The following VPS41 variants were observed in gnomAD, a reference collection of about 807,000 sequenced individuals.
VPS41 encodes vacuolar protein sorting-associated protein 41 homolog.
Under a neutral mutation model 130.9 loss-of-function variants are expected in VPS41, and 85 were observed. That is an observed-to-expected ratio of 0.65 (90% CI 0.55 to 0.78). The LOEUF (loss-of-function observed/expected upper bound fraction) is 0.78. Ranked by LOEUF, VPS41 falls within the 30% of genes least tolerant of loss-of-function variation. The pLI, the probability that VPS41 is intolerant of heterozygous loss-of-function variation, is 0.00. For missense variants in VPS41, 874 were observed against 1,018.7 expected (o/e 0.86, Z 1.93); for synonymous variants, 335 against 332.9 (o/e 1.01, Z -0.07).
intron 7 of VPS41, among the ~76,000 whole-genome samples, chr7:38,814,221 T>A (rs1468958104): frequency 6.6e-6 from 1 of 152,218 alleles, no homozygotes; most frequent in Non-Finnish European, 1.5e-5. Flanking sequence ...GAAGAATATG[T>A]TACTGACAGT....
Position 38,756,933 on chromosome 7 carries a change from A to T in VPS41, c.1600T>A (p.Leu534Ile). 1.3e-6 allele frequency: 2 copies of T among 1,598,850 alleles called. No homozygotes were observed. The highest frequency in any genetic ancestry group is 1.7e-6 in the Non-Finnish European group (2 of 1,166,994). The change falls in exon 19 of 29, where the codon TTA (leucine) becomes ATA (isoleucine). Residue 534 changes from leucine to isoleucine, a missense_variant. Coordinates refer to ENST00000310301, the MANE Select transcript of VPS41 (RefSeq NM_014396.4). The part of the protein sequence containing the change: ...YGNALEIYLT[L>I]RHKDVFQLIH... ...AACTGAAAAACGTCTTTATGTCTTA[A>T]TGTTAAGTATATTTCCAGAGCATTG... is the stretch of plus-strand genomic sequence containing the variant.
chr7:38,845,925 A>T (rs901420155), intron 4 of VPS41, among the ~76,000 whole-genome samples: 1 of 152,252 alleles, frequency 6.6e-6, no homozygotes, highest in African/African-American at 2.4e-5. Context: ...TAATGTGTGA[A>T]ATATGATTTA....
At chr7:38,823,434 C>T (rs1027762027) in intron 5 of VPS41, among the ~76,000 whole-genome samples, 1 of 152,148 alleles carries the variant, frequency 6.6e-6, no homozygotes, top group Non-Finnish European at 1.5e-5. Context: ...ATAAACTACC[C>T]AGTCTAAGGT....
chr7:38,871,624 A>G lies in VPS41; in HGVS notation c.61-2371T>C, dbSNP rs529951901. 2.0e-5 allele frequency among the ~76,000 whole-genome samples: 3 copies of G among 152,348 alleles called. No individual in the cohort carries two copies. The South Asian group carries it at 6.2e-4, about 32-fold the overall frequency. On this transcript the variant is annotated intron_variant, in intron 2 of 28. Transcript: ENST00000310301. ...GTTCAAATTCAGCTATGAGTGCTCT[A>G]AAGTCAATACCTTCTATAACACACT...
intron 27 of VPS41, among the ~76,000 whole-genome samples, chr7:38,727,511 G>GTCA (rs1424052601): frequency 1.3e-5 from 2 of 152,156 alleles, no homozygotes; most frequent in Non-Finnish European, 2.9e-5. Flanking sequence ...AAGATTTAGT[G>GTCA]TCATCAGCAG....
chr7:38,885,519 T>C (rs894391086), intron 2 of VPS41, among the ~76,000 whole-genome samples: 8 of 152,160 alleles, frequency 5.3e-5, no homozygotes, highest in Admixed American at 6.6e-5. Context: ...GAAATAAATG[T>C]TGTGTTAAGA....
chr7:38,806,882 A>G (rs529522700), intron 7 of VPS41, among the ~76,000 whole-genome samples: 4 of 152,334 alleles, frequency 2.6e-5, no homozygotes, highest in Non-Finnish European at 4.4e-5. Flanking sequence ...TGATGAATAT[A>G]AACAATTTCA....
rs1238345103 is a variant in VPS41 at position 38,871,726 on chromosome 7, G to A, written c.61-2473C>T. Among the ~76,000 whole-genome samples, 5 of 152,176 alleles carry A rather than the reference G, an allele frequency of 3.3e-5. No homozygotes were observed. In the East Asian group the frequency reaches 9.6e-4, roughly 29 times the overall value. ...AAACCTAGAAATAATTATAAACTGT[G>A]TGATCATTAGAAAATGTTTTAAAAT... is the stretch of plus-strand genomic sequence containing the variant. On this transcript the variant is annotated intron_variant, in intron 2 of 28. Transcript: ENST00000310301.
chr7:38,883,867 CA>C (rs1339266822), intron 2 of VPS41, among the ~76,000 whole-genome samples: 1 of 152,064 alleles, frequency 6.6e-6, no homozygotes, highest in Non-Finnish European at 1.5e-5. Flanking sequence ...ATATATGCTT[CA>C]AAGGGAATGT....
At chr7:38,779,478 G>A (rs1784319496) in intron 10 of VPS41, among the ~76,000 whole-genome samples, 1 of 152,074 alleles carries the variant, frequency 6.6e-6, no homozygotes, top group Non-Finnish European at 1.5e-5. Flanking sequence ...CTCCCACTCA[G>A]CAATTCATCT....
chr7:38,743,443 T>C lies in VPS41; in HGVS notation c.2081A>G (p.Glu694Gly). 1 of 1,613,978 alleles carries C rather than the reference T, an allele frequency of 6.2e-7. No individual in the cohort carries two copies. Among genetic ancestry groups the C allele is most frequent in the Non-Finnish European group, 8.5e-7 (1 of 1,179,886 alleles). ...ATATAAAATCAAATCTTCCCACAGC[T>C]CTCCATCATCTTGCTCCTTGGCAAA... ...IEFAKEQDDG[E>G]LWEDLILYSI... Residue 694 changes from glutamate to glycine, a missense_variant, in exon 24 of 29, where the codon GAG (glutamate) becomes GGG (glycine). By Grantham distance (98) the Glu-to-Gly change is moderately conservative. Coordinates refer to ENST00000310301, the MANE Select transcript of VPS41 (RefSeq NM_014396.4).
At chr7:38,879,435 T>C (rs567889029) in intron 2 of VPS41, among the ~76,000 whole-genome samples, 1 of 152,118 alleles carries the variant, frequency 6.6e-6, no homozygotes, top group South Asian at 2.1e-4. Flanking sequence ...TCATGAAGGC[T>C]CAGAAGAGTC....
intron 5 of VPS41, among the ~76,000 whole-genome samples, chr7:38,826,293 A>G (rs1209161664): frequency 6.6e-6 from 1 of 152,248 alleles, no homozygotes; most frequent in Admixed American, 6.5e-5. Flanking sequence ...AGGTTGAGGA[A>G]GAGATCTGCC....
chr7:38,847,327 C>T (rs1785747845), intron 4 of VPS41, among the ~76,000 whole-genome samples: 1 of 152,120 alleles, frequency 6.6e-6, no homozygotes, highest in Non-Finnish European at 1.5e-5. Flanking sequence ...TAGTAGTTGG[C>T]CATACCCTTA....
chr7:38,832,320 T>TTTC (rs1785404514), intron 4 of VPS41, among the ~76,000 whole-genome samples: 3 of 69,894 alleles, frequency 4.3e-5, no homozygotes, highest in East Asian at 5.4e-4. Flanking sequence ...TCTTTCTTTC[T>TTTC]TTTTTTTTTT....
At chr7:38,726,815 TAC>T (rs1372557237) in intron 28 of VPS41, 92 bp downstream of exon 28, 16 of 1,130,846 alleles carry the variant, frequency 1.4e-5, no homozygotes, top group Admixed American at 3.0e-5. Flanking sequence ...TTTTAACCCA[TAC>T]AGCCATAAGG....
At chr7:38,820,959 A>G (rs34444375) in intron 6 of VPS41, among the ~76,000 whole-genome samples, 86,508 of 147,838 alleles carry the variant, frequency 0.59, 25,327 homozygotes, top group East Asian at 0.88. Flanking sequence ...GTGTGTGTGT[A>G]TGTGTGTGTG....
chr7:38,741,054 T>C (rs1442896670), intron 25 of VPS41, among the ~76,000 whole-genome samples: 1 of 152,090 alleles, frequency 6.6e-6, no homozygotes, highest in Non-Finnish European at 1.5e-5. Context: ...TGCAATATCT[T>C]CTCCTTTCCA....
intron 15 of VPS41, 91 bp from the exon 16 acceptor site, chr7:38,765,752 A>G: frequency 2.6e-6 from 2 of 775,698 alleles, no homozygotes; most frequent in South Asian, 1.9e-5. Flanking sequence ...TTTTCCCCAG[A>G]GGTTTAGAGA....
Sources: gnomAD v4.1 joint callset for allele counts (sites outside exome capture counted in the v4.1 genomes callset) on GRCh38, gnomAD v4.1.1 for gene constraint, MANE v1.5 for transcripts, NCBI Gene and HGNC (gene_info 2026-07-23, HGNC 2026-07-21) for gene names.